CFAP20DC: variants seen among roughly 807,000 people sequenced by gnomAD.
CFAP20DC encodes protein CFAP20DC.
Under a neutral mutation model 101.7 loss-of-function variants are expected in CFAP20DC, and 84 were observed. The observed-to-expected ratio is 0.83, with a 90% CI of 0.69 to 0.99. The LOEUF (loss-of-function observed/expected upper bound fraction) is 0.99. Among genes scored for constraint, CFAP20DC ranks in the 50% least tolerant of loss-of-function variants. CFAP20DC has a pLI of 0.00. For missense variants in CFAP20DC, 1,007 were observed against 970.3 expected (o/e 1.04, Z -0.50); for synonymous variants, 359 against 351.2 (o/e 1.02, Z -0.25).
At chr3:58,857,916 G>A (rs114590461) in intron 12 of CFAP20DC, among the ~76,000 whole-genome samples, 128 of 152,166 alleles carry the variant, frequency 8.4e-4, no homozygotes, top group Middle Eastern at 3.4e-3. Flanking sequence ...TTGATTTCAC[G>A]TATGTAATTC....
At position 58,868,032 on chromosome 3, in the gene CFAP20DC, T is replaced by G. The variant is rs182285671; in HGVS notation, c.1016-96A>C. ...ATAATTATCACTATAATGAGAATAT[T>G]CATGTATAATTTTGACATAATGTGA... On this transcript the variant is annotated intron_variant, in intron 9 of 16. Transcript: ENST00000482387. The surrounding 1 kb of genome is among the most constrained non-coding windows in gnomAD (Gnocchi z 4.6). The G allele has an allele frequency of 1.5e-6, 2 of 1,320,436 alleles. No homozygotes were observed. Among genetic ancestry groups the G allele is most frequent in the East Asian group, 5.2e-5 (2 of 38,544 alleles). The allele number at this position is 1,320,436 out of a possible 1,614,324, so 81.8% of individuals were successfully genotyped here. A position where few individuals can be genotyped will look rare whatever the true frequency, so the allele number is the denominator to read the frequency against.
rs748909223 is a variant in CFAP20DC at position 58,868,606 on chromosome 3, A to T, written c.1016-670T>A. 3.3e-5 allele frequency among the ~76,000 whole-genome samples: 5 copies of T among 152,174 alleles called. No homozygotes were observed. Among genetic ancestry groups the T allele is most frequent in the Non-Finnish European group, 7.4e-5 (5 of 68,006 alleles). Reference sequence around the variant, plus strand: ...TCACAGCGTTTAAGAAACTTGATCAAGGCCTCACTGACAGGCAGCTAGGGC... The same window carrying T: ...TCACAGCGTTTAAGAAACTTGATCATGGCCTCACTGACAGGCAGCTAGGGC... On this transcript the variant is annotated intron_variant, in intron 9 of 16. Transcript: ENST00000482387. The surrounding 1 kb of genome is among the most constrained non-coding windows in gnomAD (Gnocchi z 4.6).
At chr3:58,860,400 T>C (rs2079153568) in intron 12 of CFAP20DC, among the ~76,000 whole-genome samples, 1 of 152,194 alleles carries the variant, frequency 6.6e-6, no homozygotes, top group Non-Finnish European at 1.5e-5. Context: ...ATATTTATCC[T>C]TTGCAGGCTT....
intron 3 of CFAP20DC, among the ~76,000 whole-genome samples, chr3:58,730,015 C>T (rs1300738785): frequency 3.1e-5 from 4 of 129,912 alleles, no homozygotes; most frequent in Non-Finnish European, 4.7e-5. Context: ...CGAAACCTGT[C>T]TCCAAAAAAA....
chr3:58,793,181 C>T (rs2107645628), intron 15 of CFAP20DC, among the ~76,000 whole-genome samples: 1 of 152,208 alleles, frequency 6.6e-6, no homozygotes, highest in African/African-American at 2.4e-5. Flanking sequence ...CAAACCTGCA[C>T]TTATCATTTC....
chr3:59,046,402 C>T (rs984117168), intron 2 of CFAP20DC, 80 bp from the exon 3 acceptor site: 2 of 874,650 alleles, frequency 2.3e-6, no homozygotes, highest in Admixed American at 3.1e-5. Context: ...TTCAGATCTA[C>T]AGGGAAAAAA....
At position 58,724,441 on chromosome 3, in the gene CFAP20DC, GT is replaced by G. The variant is rs1248711570; in HGVS notation, c.198-6814del. Among the ~76,000 whole-genome samples, 1 of 152,154 alleles carries G rather than the reference GT, an allele frequency of 6.6e-6. No individual in the cohort carries two copies. The highest frequency in any genetic ancestry group is 2.4e-5 in the African/African-American group (1 of 41,424). ...ACCCTCTCTCTTATCTGTAAACACT[GT>G]GTTCAAGGAGAAAGGCACTCCTTTG... On this transcript the variant is annotated intron_variant, in intron 3 of 3. Transcript: ENST00000486145. This position sits in a 1 kb window ranked among gnomAD's most constrained non-coding sequence, Gnocchi z 5.6.
intron 5 of CFAP20DC, among the ~76,000 whole-genome samples, chr3:58,921,184 A>G (rs1265251999): frequency 6.6e-6 from 1 of 151,706 alleles, no homozygotes; most frequent in Non-Finnish European, 1.5e-5. Context: ...ACTTTTATTA[A>G]TCATTTCAAA....
chr3:58,736,976 T>C (rs2067770991), intron 3 of CFAP20DC, among the ~76,000 whole-genome samples: 1 of 152,170 alleles, frequency 6.6e-6, no homozygotes, highest in Non-Finnish European at 1.5e-5. Context: ...AACCAAAATA[T>C]TCATTAAGAT....
chr3:58,997,536 T>A (rs1337066209), intron 4 of CFAP20DC, among the ~76,000 whole-genome samples: 1 of 152,208 alleles, frequency 6.6e-6, no homozygotes, highest in African/African-American at 2.4e-5. Context: ...TCTAGAAGCC[T>A]CTAATGATGG....
chr3:59,004,980 T>C (rs1281555171), intron 4 of CFAP20DC, among the ~76,000 whole-genome samples: 1 of 152,204 alleles, frequency 6.6e-6, no homozygotes, highest in Admixed American at 6.5e-5. Flanking sequence ...CCTGATTTTT[T>C]ACCCCTTACT....
chr3:58,863,217 A>G lies in CFAP20DC; in HGVS notation c.1593+341T>C. ...CAACACAATTTCTCCAGAGATCTAG[A>G]ACAGTATATTCTCAGTGTTTTACTG... On this transcript the variant is annotated intron_variant, in intron 12 of 16. Coordinates refer to ENST00000482387, the MANE Select transcript of CFAP20DC (RefSeq NM_001394063.1). The surrounding 1 kb of genome is among the most constrained non-coding windows in gnomAD (Gnocchi z 5.9). The G allele has an allele frequency of 7.9e-7, 1 of 1,271,966 alleles. No homozygotes were observed. Among genetic ancestry groups the G allele is most frequent in the Non-Finnish European group, 9.9e-7 (1 of 1,012,232 alleles). 78.8% of individuals were successfully genotyped at this position (1,271,966 alleles called of 1,614,324 possible). A position where few individuals can be genotyped will look rare whatever the true frequency, so the allele number is the denominator to read the frequency against.
At chr3:58,848,065 C>G (rs1254671694) in intron 13 of CFAP20DC, among the ~76,000 whole-genome samples, 2 of 137,984 alleles carry the variant, frequency 1.4e-5, no homozygotes, top group African/African-American at 2.8e-5. Context: ...ATACCTAATG[C>G]TAGATGACGA....
Position 58,864,110 on chromosome 3 carries a change from C to G in CFAP20DC, c.1259-218G>C, listed in dbSNP as rs1421330451. 1.3e-5 allele frequency among the ~76,000 whole-genome samples: 2 copies of G among 152,126 alleles called. No homozygotes were observed. The highest frequency in any genetic ancestry group is 3.9e-4 in the East Asian group (2 of 5,188). On this transcript the variant is annotated intron_variant, in intron 11 of 16. Transcript: ENST00000482387. This position sits in a 1 kb window ranked among gnomAD's most constrained non-coding sequence, Gnocchi z 4.7. The stretch of plus-strand genomic sequence containing the variant: ...AGTAGGTGGGATTACAGGTGCACGC[C>G]ATCATGCCCGGCTAATTTTTGTATT...
rs56234919 is a variant in CFAP20DC, at chr3:58,963,190, T to TTGTGTGTGTGTGTGTG, written c.279-25444_279-25429dup. ...ATACTTCTTCTCAAGGTTCAGTAGT[T>TTGTGTGTGTGTGTGTG]TGTGTGTGTGTGTGTGTGTGTGTGT... On this transcript the variant is annotated intron_variant, in intron 4 of 16. Coordinates refer to ENST00000482387, the MANE Select transcript of CFAP20DC (RefSeq NM_001394063.1). Among the ~76,000 whole-genome samples, 560 of 118,270 alleles carry TTGTGTGTGTGTGTGTG rather than the reference T, an allele frequency of 4.7e-3. 6 individuals carry two copies. The highest frequency in any genetic ancestry group is 8.1e-3 in the East Asian group (29 of 3,560). 77.6% of individuals were successfully genotyped at this position (118,270 alleles called of 152,430 possible). A position where few individuals can be genotyped will look rare whatever the true frequency, so the allele number is the denominator to read the frequency against.
chr3:58,932,987 T>G (rs186924193), intron 5 of CFAP20DC, among the ~76,000 whole-genome samples: 1 of 151,952 alleles, frequency 6.6e-6, no homozygotes, highest in African/African-American at 2.4e-5. Context: ...GCAAATTGGA[T>G]AGAGACAAGA....
intron 4 of CFAP20DC, among the ~76,000 whole-genome samples, chr3:59,008,797 A>G (rs1375405066): frequency 6.6e-6 from 1 of 152,146 alleles, no homozygotes; most frequent in African/African-American, 2.4e-5. Context: ...CCAACATGGC[A>G]CATGTATACA....
intron 13 of CFAP20DC, among the ~76,000 whole-genome samples, chr3:58,841,952 A>G (rs1262937654): frequency 6.6e-6 from 1 of 152,210 alleles, no homozygotes; most frequent in Non-Finnish European, 1.5e-5. Context: ...GAATACAGTT[A>G]TACGTGCGAA....
chr3:58,898,745 T>G (rs530444042), intron 6 of CFAP20DC, among the ~76,000 whole-genome samples: 1 of 152,198 alleles, frequency 6.6e-6, no homozygotes, highest in African/African-American at 2.4e-5. Context: ...GTTGTGGTCA[T>G]GTGGAAGCAA....
Sources: allele counts gnomAD v4.1 joint callset (sites outside exome capture counted in the v4.1 genomes callset), GRCh38; gene constraint gnomAD v4.1.1; non-coding constraint Gnocchi (gnomAD v3.1); transcripts MANE v1.5; gene names NCBI Gene and HGNC (gene_info 2026-07-23, HGNC 2026-07-21).